The following ZC3H8 variants were observed in gnomAD, a reference collection of about 807,000 sequenced individuals.
The protein encoded by ZC3H8 is zinc finger CCCH-type containing 8, also known as zinc finger CCCH domain-containing protein 8.
ZC3H8 carries 27 observed loss-of-function variants against 42.5 expected under a neutral mutation model. The ratio of observed to expected loss-of-function variants is 0.64; its 90% CI spans 0.47 to 0.88. The LOEUF is 0.88. ZC3H8 is among the 40% of genes least tolerant of loss of function. The pLI, the probability that ZC3H8 is intolerant of heterozygous loss-of-function variation, is 0.00. For synonymous variants in ZC3H8, 101 were observed against 110.1 expected (o/e 0.92, Z 0.52); for missense variants, 277 against 336.1 (o/e 0.82, Z 1.37).
At chr2:112,241,798 G>T (rs1236034798) in intron 2 of ZC3H8, among the ~76,000 whole-genome samples, 1 of 152,122 alleles carries the variant, frequency 6.6e-6, no homozygotes, top group Non-Finnish European at 1.5e-5. Flanking sequence ...TATTAATAAA[G>T]AACATATTAC....
At chr2:112,246,071 T>A (rs1685752595) in intron 2 of ZC3H8, among the ~76,000 whole-genome samples, 1 of 152,236 alleles carries the variant, frequency 6.6e-6, no homozygotes, top group African/African-American at 2.4e-5. Context: ...CTGCCTGTGC[T>A]CTATATATGG....
chr2:112,215,008 G>T lies in ZC3H8; in HGVS notation c.*1476C>A, dbSNP rs188047847. 66 of 151,968 alleles carry T rather than the reference G, an allele frequency of 4.3e-4. 3 individuals carry two copies. The highest frequency in any genetic ancestry group is 4.1e-3 in the Admixed American group (62 of 15,258). The allele number at this position is 151,968 out of a possible 1,614,324, so 9.4% of individuals were successfully genotyped here. A position where few individuals can be genotyped will look rare whatever the true frequency, so the allele number is the denominator to read the frequency against. On this transcript the variant is annotated 3_prime_UTR_variant, in exon 9 of 9. Coordinates refer to ENST00000409573, the MANE Select transcript of ZC3H8 (RefSeq NM_032494.3). Reference sequence around the variant, plus strand: ...GTCTTTTAAGTTTACAAGTGAGATGGGTACTGCCTCAGAAATATAACAATT... The same window carrying T: ...GTCTTTTAAGTTTACAAGTGAGATGTGTACTGCCTCAGAAATATAACAATT...
chr2:112,242,411 C>T (rs1302655166), intron 2 of ZC3H8, among the ~76,000 whole-genome samples: 1 of 152,232 alleles, frequency 6.6e-6, no homozygotes, highest in East Asian at 1.9e-4. Context: ...TTTGCTACAA[C>T]AGCAGAGCTG....
chr2:112,245,146 C>CT (rs745344739), intron 2 of ZC3H8, among the ~76,000 whole-genome samples: 6 of 152,214 alleles, frequency 3.9e-5, no homozygotes, highest in Non-Finnish European at 5.9e-5. Flanking sequence ...ACAAAACAGC[C>CT]TTATTGCTGA....
intron 1 of ZC3H8, among the ~76,000 whole-genome samples, chr2:112,253,406 G>A (rs1686024134): frequency 6.6e-6 from 1 of 151,792 alleles, no homozygotes; most frequent in Admixed American, 6.6e-5. Context: ...CAAATTACTC[G>A]GAAAAAAAAC....
chr2:112,246,434 C>G (rs1685767659), intron 2 of ZC3H8, among the ~76,000 whole-genome samples: 1 of 152,126 alleles, frequency 6.6e-6, no homozygotes, highest in Admixed American at 6.5e-5. Context: ...TTTTAGCTGA[C>G]ATTAAGAACA....
rs532454819 is a variant in ZC3H8 at position 112,211,958 on chromosome 2, A to T, written c.*4526T>A. 10 of 152,220 alleles carry T rather than the reference A, an allele frequency of 6.6e-5. No homozygotes were observed. The highest frequency in any genetic ancestry group is 2.2e-4 in the African/African-American group (9 of 41,532). The allele number at this position is 152,220 out of a possible 1,614,324, so 9.4% of individuals were successfully genotyped here. A position where few individuals can be genotyped will look rare whatever the true frequency, so the allele number is the denominator to read the frequency against. On this transcript the variant is annotated 3_prime_UTR_variant, in exon 9 of 9. Transcript: ENST00000409573. ...TACTCTTCCTAGTTTTCTGCTCCTT[A>T]TTATGAAAATAGCCCTCCCCATCTT...
intron 2 of ZC3H8, among the ~76,000 whole-genome samples, chr2:112,239,104 GT>G (rs1228858639): frequency 6.6e-6 from 1 of 152,212 alleles, no homozygotes; most frequent in Non-Finnish European, 1.5e-5. Flanking sequence ...CTGTAATCAA[GT>G]TAACTTTACT....
intron 6 of ZC3H8, 64 bp from the exon 7 acceptor site, chr2:112,232,011 G>T: frequency 9.8e-7 from 1 of 1,015,246 alleles, no homozygotes; most frequent in South Asian, 2.0e-5. Flanking sequence ...TTAACTTAAT[G>T]ACTTTATTTT....
chr2:112,238,290 A>C, intron 3 of ZC3H8, 25 bp downstream of exon 3: 1 of 1,603,684 alleles, frequency 6.2e-7, no homozygotes, highest in Middle Eastern at 1.7e-4. Context: ...ATAAACTTTA[A>C]ATGATAAAAT....
chr2:112,234,366 A>T lies in ZC3H8; in HGVS notation c.505-130T>A. On this transcript the variant is annotated intron_variant, in intron 4 of 8. Transcript: ENST00000409573. ...CTCTTCTAAATTGGCCTTCATATGT[A>T]AAATTTGGATTTCTGTACACCAGGT... 42 of 645,072 alleles carry T rather than the reference A, an allele frequency of 6.5e-5. 1 individual carries two copies. The South Asian group carries it at 8.8e-4, about 14-fold the overall frequency. 40.0% of individuals were successfully genotyped at this position (645,072 alleles called of 1,614,324 possible). A position where few individuals can be genotyped will look rare whatever the true frequency, so the allele number is the denominator to read the frequency against.
At position 112,215,034 on chromosome 2, in the gene ZC3H8, A is replaced by G. The variant is rs1466672886; in HGVS notation, c.*1450T>C. On this transcript the variant is annotated 3_prime_UTR_variant, in exon 9 of 9. Transcript: ENST00000409573. ...GTACTGCCTCAGAAATATAACAATT[A>G]TTTTTTTCCTTATATATAAACTTTA... The G allele has an allele frequency of 6.6e-6, 1 of 151,996 alleles. No individual in the cohort carries two copies. The highest frequency in any genetic ancestry group is 2.4e-5 in the African/African-American group (1 of 41,388). 9.4% of individuals were successfully genotyped at this position (151,996 alleles called of 1,614,324 possible).
chr2:112,231,797 T>TA, intron 7 of ZC3H8, 41 bp downstream of exon 7: 5 of 1,341,982 alleles, frequency 3.7e-6, no homozygotes, highest in Non-Finnish European at 5.1e-6. Flanking sequence ...ACATATTCCT[T>TA]AAAAAAGAAA....
Position 112,214,259 on chromosome 2 carries a change from A to G in ZC3H8, c.*2225T>C, listed in dbSNP as rs1450430252. 1 of 152,086 alleles carries G rather than the reference A, an allele frequency of 6.6e-6. No individual in the cohort carries two copies. Among genetic ancestry groups the G allele is most frequent in the Non-Finnish European group, 1.5e-5 (1 of 68,068 alleles). 9.4% of individuals were successfully genotyped at this position (152,086 alleles called of 1,614,324 possible). On this transcript the variant is annotated 3_prime_UTR_variant, in exon 9 of 9. Coordinates refer to ENST00000409573, the MANE Select transcript of ZC3H8 (RefSeq NM_032494.3). The stretch of plus-strand genomic sequence containing the variant: ...CCGCGCCCAGCTAAGAATTGTTTTT[A>G]TGAAATTATTGAGAGATTTTGCCTC...
chr2:112,225,684 G>A (rs1195311398), intron 8 of ZC3H8, among the ~76,000 whole-genome samples: 1 of 152,124 alleles, frequency 6.6e-6, no homozygotes, highest in East Asian at 1.9e-4. Flanking sequence ...GGGCATGGTG[G>A]TAAGTGCTTG....
chr2:112,233,798 G>A (rs1325270524), intron 5 of ZC3H8, among the ~76,000 whole-genome samples: 5 of 152,190 alleles, frequency 3.3e-5, no homozygotes, highest in African/African-American at 7.2e-5. Context: ...GAACCCAGGA[G>A]GCGGAGCTTG....
At chr2:112,222,435 C>A (rs1014533677) in intron 8 of ZC3H8, among the ~76,000 whole-genome samples, 1 of 151,936 alleles carries the variant, frequency 6.6e-6, no homozygotes, top group African/African-American at 2.4e-5. Flanking sequence ...GTTTCCAGGG[C>A]AAAAGGAGGC....
intron 2 of ZC3H8, among the ~76,000 whole-genome samples, chr2:112,238,909 C>T (rs984949442): frequency 1.3e-5 from 2 of 152,190 alleles, no homozygotes; most frequent in Non-Finnish European, 2.9e-5. Context: ...TTTGCATTGA[C>T]AGTACTTTTA....
intron 8 of ZC3H8, among the ~76,000 whole-genome samples, chr2:112,224,043 G>A (rs1209336682): frequency 2.0e-5 from 3 of 152,092 alleles, no homozygotes; most frequent in African/African-American, 7.2e-5. Context: ...GGAGGCTGAG[G>A]CAGGAGAATC....
Sources: allele counts gnomAD v4.1 joint callset (sites outside exome capture counted in the v4.1 genomes callset), GRCh38; gene constraint gnomAD v4.1.1; transcripts MANE v1.5; gene names NCBI Gene and HGNC (gene_info 2026-07-23, HGNC 2026-07-21).